The following DSCAM variants were observed in gnomAD, a reference collection of about 807,000 sequenced individuals.
DSCAM encodes the protein DS cell adhesion molecule, also known as cell adhesion molecule DSCAM.
Under a neutral mutation model 217.7 loss-of-function variants are expected in DSCAM, and 47 were observed. That is an observed-to-expected ratio of 0.22 (90% CI 0.17 to 0.28). The LOEUF (loss-of-function observed/expected upper bound fraction) is 0.28. DSCAM is among the 10% of genes least tolerant of loss of function. The pLI is 1.00. For missense variants in DSCAM, 2,080 were observed against 2,618.3 expected (o/e 0.79, Z 4.49); for synonymous variants, 1,056 against 1,015.3 (o/e 1.04, Z -0.76).
chr21:40,138,241 T>G (rs2146701575), intron 18 of DSCAM, among the ~76,000 whole-genome samples: 1 of 152,156 alleles, frequency 6.6e-6, no homozygotes, highest in African/African-American at 2.4e-5. Context: ...TGTGAATGTG[T>G]GGGGGGTGTG....
chr21:40,831,864 C>T (rs184211575), intron 1 of DSCAM, among the ~76,000 whole-genome samples: 74 of 152,218 alleles, frequency 4.9e-4, no homozygotes, highest in East Asian at 1.9e-3. Context: ...ATTTATACAC[C>T]GATTTTTAAA....
intron 3 of DSCAM, among the ~76,000 whole-genome samples, chr21:40,631,042 CT>C (rs1388641696): frequency 6.6e-6 from 1 of 152,176 alleles, no homozygotes. Context: ...TCTCCCTGTG[CT>C]TTTCAGCAGT....
Position 40,296,305 on chromosome 21 carries a change from A to T in DSCAM, c.2063-131T>A, listed in dbSNP as rs1305550497. On this transcript the variant is annotated intron_variant, in intron 9 of 32. Coordinates refer to ENST00000400454, the MANE Select transcript of DSCAM (RefSeq NM_001389.5). ...CTGTTTCATACACATGGGACAATAA[A>T]AACACTATTGGCAGTTTGGGACAAA... 5.3e-6 allele frequency: 6 copies of T among 1,130,810 alleles called. No individual in the cohort carries two copies. The African/African-American group carries it at 9.6e-5, about 18-fold the overall frequency. 70.0% of individuals were successfully genotyped at this position (1,130,810 alleles called of 1,614,324 possible). A position where few individuals can be genotyped will look rare whatever the true frequency, so the allele number is the denominator to read the frequency against.
intron 3 of DSCAM, among the ~76,000 whole-genome samples, chr21:40,468,862 C>T (rs2075865921): frequency 6.6e-6 from 1 of 152,052 alleles, no homozygotes. Flanking sequence ...TTACCTCCAT[C>T]CAGGAGGTCT....
chr21:40,051,117 T>G (rs1299465777), intron 30 of DSCAM, among the ~76,000 whole-genome samples: 1 of 152,192 alleles, frequency 6.6e-6, no homozygotes, highest in Non-Finnish European at 1.5e-5. Context: ...ATTTTTCTAA[T>G]AATAACACAC....
chr21:40,234,369 G>A (rs2091407558), intron 11 of DSCAM, among the ~76,000 whole-genome samples: 1 of 152,180 alleles, frequency 6.6e-6, no homozygotes. Flanking sequence ...TGGAAATCAT[G>A]GTCATGTCCA....
intron 29 of DSCAM, among the ~76,000 whole-genome samples, chr21:40,054,675 C>A (rs1038501142): frequency 1.3e-5 from 2 of 152,206 alleles, no homozygotes; most frequent in Non-Finnish European, 2.9e-5. Flanking sequence ...TCCATGGGCA[C>A]TCAAAAGCTT....
At chr21:40,761,533 C>T (rs1035470372) in intron 1 of DSCAM, among the ~76,000 whole-genome samples, 1 of 152,092 alleles carries the variant, frequency 6.6e-6, no homozygotes, top group African/African-American at 2.4e-5. Flanking sequence ...ACAGATCTTT[C>T]CCTCACAGCT....
chr21:40,548,412 T>C (rs2076601327), intron 3 of DSCAM, among the ~76,000 whole-genome samples: 1 of 152,094 alleles, frequency 6.6e-6, no homozygotes, highest in Non-Finnish European at 1.5e-5. Context: ...TCTGATTTCC[T>C]GCTCTGCTGC....
At chr21:40,841,986 G>A (rs2092105385) in intron 1 of DSCAM, among the ~76,000 whole-genome samples, 1 of 152,190 alleles carries the variant, frequency 6.6e-6, no homozygotes, top group Admixed American at 6.5e-5. Flanking sequence ...GCCGGAGTTT[G>A]GGCGCAGTGA....
chr21:40,670,536 C>CAAAAAAA lies in DSCAM; in HGVS notation c.508+22267_508+22273dup, dbSNP rs56321584. Reference sequence around the variant, plus strand: ...CTGGTGACAGAGCGAGACTCCGTCTCAAAAAAAAAAAAAAGTGACTACTTT... The same window carrying CAAAAAAA: ...CTGGTGACAGAGCGAGACTCCGTCTCAAAAAAAAAAAAAAAAAAAAAGTGACTACTTT... On this transcript the variant is annotated intron_variant, in intron 3 of 32. Transcript: ENST00000400454. 1.1e-4 allele frequency among the ~76,000 whole-genome samples: 15 copies of CAAAAAAA among 136,108 alleles called. 3 individuals carry two copies. Among genetic ancestry groups the CAAAAAAA allele is most frequent in the Admixed American group, 1.5e-4 (2 of 13,672 alleles). The allele number at this position is 136,108 out of a possible 152,430, so 89.3% of individuals were successfully genotyped here.
chr21:40,498,726 TGG>T (rs1247407413), intron 3 of DSCAM, among the ~76,000 whole-genome samples: 21 of 16,822 alleles, frequency 1.2e-3, no homozygotes, highest in Admixed American at 3.0e-3. Context: ...TATATATATA[TGG>T]GTGTGTGTAT....
At chr21:40,029,367 G>GTGCTCATGCCCTCT (rs2146443701) in intron 32 of DSCAM, among the ~76,000 whole-genome samples, 2 of 104,936 alleles carry the variant, frequency 1.9e-5, no homozygotes, top group South Asian at 5.9e-4. Flanking sequence ...CATGCCCTCT[G>GTGCTCATGCCCTCT]GGCCCCAGAC....
In DSCAM at chr21:40,113,678, A is replaced by C. The variant is rs62237605; in HGVS notation, c.3696+10517T>G. Among the ~76,000 whole-genome samples the C allele has an allele frequency of 2.3e-3, 345 of 152,330 alleles. 2 individuals carry two copies. The highest frequency in any genetic ancestry group is 7.7e-3 in the African/African-American group (322 of 41,580). ...CTAGAAAACCCCATCGTCTCAGCCCAAAATCTCCTTAAGCTGATAAGCAAT... is the reference window on the plus strand; with the variant it reads ...CTAGAAAACCCCATCGTCTCAGCCCCAAATCTCCTTAAGCTGATAAGCAAT... On this transcript the variant is annotated intron_variant, in intron 20 of 32. Transcript: ENST00000400454.
intron 1 of DSCAM, among the ~76,000 whole-genome samples, chr21:40,756,610 T>G (rs2091278847): frequency 6.6e-6 from 1 of 152,150 alleles, no homozygotes; most frequent in African/African-American, 2.4e-5. Flanking sequence ...CAGGCTGGTC[T>G]TGAGTTTCTG....
Position 40,369,248 on chromosome 21 carries a change from G to A in DSCAM, c.509-3C>T, listed in dbSNP as rs1384585560. 6.2e-7 allele frequency: 1 copy of A among 1,605,780 alleles called. No homozygotes were observed. The highest frequency in any genetic ancestry group is 8.5e-7 in the Non-Finnish European group (1 of 1,176,592). On this transcript the variant is annotated splice_polypyrimidine_tract_variant and splice_region_variant and intron_variant, in intron 3 of 32. Transcript: ENST00000400454. Reference sequence around the variant, plus strand: ...GGATGTGATGAGAAATCTAGATCCTGAAATAGAGGAAAACAGTGGCTTGGT... The same window carrying A: ...GGATGTGATGAGAAATCTAGATCCTAAAATAGAGGAAAACAGTGGCTTGGT...
chr21:40,098,733 A>G (rs1373045599), intron 20 of DSCAM, among the ~76,000 whole-genome samples: 1 of 152,194 alleles, frequency 6.6e-6, no homozygotes, highest in Non-Finnish European at 1.5e-5. Context: ...AATGTCAGAT[A>G]ATTACTTATT....
At chr21:40,199,054 G>C (rs942066409) in intron 11 of DSCAM, among the ~76,000 whole-genome samples, 2 of 152,066 alleles carry the variant, frequency 1.3e-5, no homozygotes, top group African/African-American at 2.4e-5. Flanking sequence ...GCAGTCTCTT[G>C]GATAAGACTT....
chr21:40,620,316 AAG>A lies in DSCAM; in HGVS notation c.508+72492_508+72493del, dbSNP rs1179547315. 1.0e-4 allele frequency among the ~76,000 whole-genome samples: 13 copies of A among 128,506 alleles called. 1 individual carries two copies. Among genetic ancestry groups the A allele is most frequent in the African/African-American group, 1.2e-4 (4 of 32,834 alleles). The allele number at this position is 128,506 out of a possible 152,430, so 84.3% of individuals were successfully genotyped here. A position where few individuals can be genotyped will look rare whatever the true frequency, so the allele number is the denominator to read the frequency against. On this transcript the variant is annotated intron_variant, in intron 3 of 32. Coordinates refer to ENST00000400454, the MANE Select transcript of DSCAM (RefSeq NM_001389.5). Reference sequence around the variant, plus strand: ...AAAAAGAAAAAGAAAGAGAGAGAGAAAGAGAGAGAAAAAAGAAAAAGAAAGAA... The same window carrying A: ...AAAAAGAAAAAGAAAGAGAGAGAGAAAGAGAGAAAAAAGAAAAAGAAAGAA...
Sources: gnomAD v4.1 joint callset for allele counts (sites outside exome capture counted in the v4.1 genomes callset) on GRCh38, gnomAD v4.1.1 for gene constraint, MANE v1.5 for transcripts, NCBI Gene and HGNC (gene_info 2026-07-23, HGNC 2026-07-21) for gene names.